TF: variants seen among roughly 807,000 people sequenced by gnomAD.
TF encodes the protein transferrin.
A neutral mutation model predicts 82.4 loss-of-function variants in TF; 55 were observed. The ratio of observed to expected loss-of-function variants is 0.67; its 90% CI spans 0.54 to 0.84. The LOEUF (loss-of-function observed/expected upper bound fraction) is 0.84, where lower values mean the gene tolerates loss of function less well. Ranked by LOEUF, TF falls within the 40% of genes least tolerant of loss-of-function variation. TF has a pLI of 0.00. For missense variants in TF, 737 were observed against 868.4 expected, an observed-to-expected ratio of 0.85 and a Z score of 1.90; for synonymous variants, 332 against 332.6, an observed-to-expected ratio of 1.00 and a Z score of 0.02.
chr3:133,762,310 CT>C, intron 9 of TF: 1 of 164,362 alleles, frequency 6.1e-6, no homozygotes, highest in Non-Finnish European at 1.4e-5. Context: ...AAAGAAAGGA[CT>C]TACAGGAACT....
the TF span, chr3:133,707,777 C>T: frequency 2.0e-5 from 3 of 152,148 alleles, no homozygotes; most frequent in Admixed American, 1.3e-4. Flanking sequence ...TTCAACCTAA[C>T]TCAACAAGCA....
At chr3:133,759,398 T>C (rs1933927326) in intron 9 of TF, 69 bp downstream of exon 9, 8 of 1,590,412 alleles carry the variant, frequency 5.0e-6, no homozygotes, top group Non-Finnish European at 6.9e-6. Flanking sequence ...AAGACTGAGC[T>C]AGGGAGTGTT....
the TF span, among the ~76,000 whole-genome samples, chr3:133,738,995 C>T: frequency 6.6e-5 from 10 of 152,124 alleles, no homozygotes; most frequent in African/African-American, 1.7e-4. Flanking sequence ...AAAAAGAGCC[C>T]GCATAGCCAA....
rs1934946424 is a variant in TF, at chr3:133,795,588, T to C, written c.*16968T>C. On this transcript the variant is annotated 3_prime_UTR_variant, in exon 17 of 17. Coordinates refer to ENST00000402696, the MANE Select transcript of TF (RefSeq NM_001063.4). ...AAGTGGAATTTTTTTTTTTTTTTTT[T>C]TTTTTGAGATGGAGTCTCACTCTGT... The C allele has an allele frequency of 6.7e-6, 1 of 148,376 alleles. No individual in the cohort carries two copies. The highest frequency in any genetic ancestry group is 2.5e-5 in the African/African-American group (1 of 40,016). 9.2% of individuals were successfully genotyped at this position (148,376 alleles called of 1,614,324 possible). A position where few individuals can be genotyped will look rare whatever the true frequency, so the allele number is the denominator to read the frequency against.
the TF span, among the ~76,000 whole-genome samples, chr3:133,674,412 ATCTTGCAGCCCTCCGGTCCCACGGAGGGC>A: frequency 6.6e-6 from 1 of 152,172 alleles, no homozygotes; most frequent in Non-Finnish European, 1.5e-5. Context: ...AGAGGCTTGC[ATCTTGCAGCCCTCCGGTCCCACGGAGGGC>A]ACAAGCTGCT....
At chr3:133,740,335 G>A in the TF span, among the ~76,000 whole-genome samples, 6 of 152,136 alleles carry the variant, frequency 3.9e-5, no homozygotes, top group South Asian at 6.2e-4. Flanking sequence ...GCCTCTCAGG[G>A]GGTTGGGGGC....
the TF span, among the ~76,000 whole-genome samples, chr3:133,678,699 G>A: frequency 6.6e-6 from 1 of 152,240 alleles, no homozygotes; most frequent in South Asian, 2.1e-4. Flanking sequence ...CCCACTTTTT[G>A]ATGGGGTTGT....
the TF span, among the ~76,000 whole-genome samples, chr3:133,682,404 C>CT: frequency 6.6e-5 from 10 of 152,138 alleles, no homozygotes; most frequent in Admixed American, 2.0e-4. Context: ...TAATAATAAA[C>CT]TTCTCCGAGC....
At position 133,753,684 on chromosome 3, in the gene TF, G is replaced by A. The variant is rs779627470; in HGVS notation, c.306G>A (p.Glu102=). ...ATAACCTGAAGCCTGTGGTGGCAGA[G>A]TTCTATGGGTCAAAAGAGGGTAAGT... The part of the protein sequence containing the change: ...APNNLKPVVA[E]FYGSKEDPQT... Residue 102 remains glutamate (E), a synonymous_variant, in exon 3 of 17, where the codon GAG becomes GAA. Coordinates refer to ENST00000402696, the MANE Select transcript of TF (RefSeq NM_001063.4). The A allele has an allele frequency of 9.3e-6, 15 of 1,614,170 alleles. No homozygotes were observed. In the East Asian group the frequency reaches 2.9e-4, roughly 31 times the overall value.
intron 15 of TF, among the ~76,000 whole-genome samples, chr3:133,776,152 G>A (rs991779484): frequency 2.0e-5 from 3 of 152,104 alleles, no homozygotes; most frequent in Admixed American, 2.0e-4. Flanking sequence ...TGTCCTTCCC[G>A]AAAATGAAGA....
At position 133,778,797 on chromosome 3, in the gene TF, C is replaced by G; in HGVS notation, c.*177C>G. The G allele has an allele frequency of 1.8e-6, 1 of 570,114 alleles. No homozygotes were observed. The highest frequency in any genetic ancestry group is 3.1e-6 in the Non-Finnish European group (1 of 327,096). The allele number at this position is 570,114 out of a possible 1,614,324, so 35.3% of individuals were successfully genotyped here. ...TATTATTGATTTTATATTTCAAAAACTCCATTCTTTCCTAAATATTTTCAA... is the reference window on the plus strand; with the variant it reads ...TATTATTGATTTTATATTTCAAAAAGTCCATTCTTTCCTAAATATTTTCAA... On this transcript the variant is annotated 3_prime_UTR_variant, in exon 17 of 17. Coordinates refer to ENST00000402696, the MANE Select transcript of TF (RefSeq NM_001063.4).
chr3:133,754,406 C>T, intron 3 of TF, 89 bp from the exon 4 acceptor site: 3 of 1,387,368 alleles, frequency 2.2e-6, no homozygotes, highest in Non-Finnish European at 2.0e-6. Flanking sequence ...GGCCTCTCCG[C>T]TCCCCTCCCT....
At chr3:133,706,390 C>T in the TF span, among the ~76,000 whole-genome samples, 18 of 152,242 alleles carry the variant, frequency 1.2e-4, no homozygotes, top group East Asian at 1.7e-3. Flanking sequence ...CAAGTTCCTC[C>T]GTTTTGTGCC....
chr3:133,662,586 C>A, the TF span, among the ~76,000 whole-genome samples: 1 of 152,192 alleles, frequency 6.6e-6, no homozygotes, highest in African/African-American at 2.4e-5. Context: ...CGTTCTCTTT[C>A]TCTGCATCTG....
the TF span, among the ~76,000 whole-genome samples, chr3:133,730,649 T>A: frequency 7.3e-5 from 11 of 150,182 alleles, no homozygotes; most frequent in African/African-American, 2.5e-4. Context: ...CCAGAGCAAA[T>A]AATTAATGTT....
chr3:133,731,580 G>C, the TF span, among the ~76,000 whole-genome samples: 2 of 152,234 alleles, frequency 1.3e-5, no homozygotes, highest in African/African-American at 4.8e-5. Context: ...AACTTCATTA[G>C]TTCACTGAGT....
At chr3:133,745,389 C>T (rs549220634), upstream of TF, among the ~76,000 whole-genome samples, 14 of 152,340 alleles carry the variant, frequency 9.2e-5, no homozygotes, top group East Asian at 2.3e-3. Flanking sequence ...CTGTATAAGG[C>T]CGCATAAGCA....
chr3:133,735,415 C>G, the TF span, among the ~76,000 whole-genome samples: 1 of 151,318 alleles, frequency 6.6e-6, no homozygotes, highest in Admixed American at 6.6e-5. Flanking sequence ...AGGATTGCAA[C>G]TCCTTGCCAG....
the TF span, among the ~76,000 whole-genome samples, chr3:133,729,812 C>A: frequency 3.3e-5 from 5 of 152,132 alleles, no homozygotes; most frequent in African/African-American, 7.2e-5. Context: ...CTCCTCCCCC[C>A]CGTTTGGTTC....
Sources: allele counts gnomAD v4.1 joint callset (sites outside exome capture counted in the v4.1 genomes callset), GRCh38; gene constraint gnomAD v4.1.1; transcripts MANE v1.5; gene names NCBI Gene and HGNC (gene_info 2026-07-23, HGNC 2026-07-21).